MYO18B: variants seen among roughly 807,000 people sequenced by gnomAD.
The protein encoded by MYO18B is unconventional myosin-XVIIIb.
MYO18B carries 204 observed loss-of-function variants against 273.0 expected under a neutral mutation model. That is an observed-to-expected ratio of 0.75 (90% CI 0.67 to 0.84). The LOEUF (loss-of-function observed/expected upper bound fraction) is 0.84. MYO18B is among the 40% of genes least tolerant of loss of function. The probability of loss-of-function intolerance (pLI) is 0.00; values close to 1 mark genes in which losing one functional copy is unlikely to be tolerated. For synonymous variants in MYO18B, 1,330 were observed against 1,305.7 expected, an observed-to-expected ratio of 1.02 and a Z score of -0.40; for missense variants, 3,212 against 3,287.6, an observed-to-expected ratio of 0.98 and a Z score of 0.56.
At chr22:25,835,056 C>T (rs2089847171) in intron 16 of MYO18B, among the ~76,000 whole-genome samples, 1 of 152,156 alleles carries the variant, frequency 6.6e-6, no homozygotes, top group African/African-American at 2.4e-5. Context: ...TAGTAAGTTG[C>T]CCAAGGCCAC....
intron 11 of MYO18B, among the ~76,000 whole-genome samples, chr22:25,786,944 T>G (rs1207024003): frequency 6.6e-6 from 1 of 152,222 alleles, no homozygotes; most frequent in Non-Finnish European, 1.5e-5. Flanking sequence ...GCCAGTGCGG[T>G]GGCTCACGCC....
At chr22:25,984,103 T>C (rs1569263436) in intron 39 of MYO18B, among the ~76,000 whole-genome samples, 2 of 151,572 alleles carry the variant, frequency 1.3e-5, no homozygotes, top group Non-Finnish European at 2.9e-5. Flanking sequence ...GTGCTACCAA[T>C]TTAGGTAGGT....
chr22:25,929,129 T>C (rs984099098), intron 34 of MYO18B, among the ~76,000 whole-genome samples: 15 of 125,172 alleles, frequency 1.2e-4, no homozygotes, highest in African/African-American at 4.2e-4. Context: ...ACCATTACAC[T>C]CCAGCCTGGG....
intron 37 of MYO18B, among the ~76,000 whole-genome samples, 184 bp from the exon 38 acceptor site, chr22:25,952,074 AGGATCAGGGTCTGGTGTGAGGGTCCAGT>A (rs2092798508): frequency 6.6e-6 from 1 of 152,174 alleles, no homozygotes; most frequent in Admixed American, 6.5e-5. Flanking sequence ...CCTGAGACCC[AGGATCAGGGTCTGGTGTGAGGGTCCAGT>A]GAAGGTCCCA....
chr22:25,941,994 G>C (rs972257359), intron 34 of MYO18B, among the ~76,000 whole-genome samples: 1 of 152,212 alleles, frequency 6.6e-6, no homozygotes, highest in Non-Finnish European at 1.5e-5. Flanking sequence ...CCACTTCCCA[G>C]GGATGAAAGG....
chr22:25,919,740 A>G (rs2092315265), intron 33 of MYO18B, among the ~76,000 whole-genome samples: 1 of 152,038 alleles, frequency 6.6e-6, no homozygotes, highest in African/African-American at 2.4e-5. Flanking sequence ...ACCTACCAAA[A>G]CAATACATTT....
rs562596967 is a variant in MYO18B at position 25,828,813 on chromosome 22, A to G, written c.2824A>G (p.Met942Val). 12 of 1,613,816 alleles carry G rather than the reference A, an allele frequency of 7.4e-6. No homozygotes were observed. The African/African-American group carries it at 1.1e-4, about 14-fold the overall frequency. ...SSHHLSMASIMVVDSPGFQNP... is the reference protein window; with the variant it reads ...SSHHLSMASIVVVDSPGFQNP... ...CCACCATCTCTCCATGGCCTCCATC[A>G]TGGTGGTGGACTCTCCAGGCTTCCA... The change falls in exon 15 of 44, where the codon ATG becomes GTG. Residue 942 changes from methionine to valine, a missense_variant. Physicochemically the swap from Met to Val is conservative, Grantham distance 21. Transcript: ENST00000335473.
At chr22:25,865,627 T>C (rs1275302579) in intron 21 of MYO18B, among the ~76,000 whole-genome samples, 2 of 152,170 alleles carry the variant, frequency 1.3e-5, no homozygotes, top group Admixed American at 6.5e-5. Context: ...TCCCCATCTT[T>C]CTGAATGGAG....
At chr22:25,965,631 C>T (rs2092969290) in intron 39 of MYO18B, among the ~76,000 whole-genome samples, 1 of 152,118 alleles carries the variant, frequency 6.6e-6, no homozygotes, top group South Asian at 2.1e-4. Context: ...TCATTTGCAC[C>T]ATACAGGTAC....
At position 25,967,883 on chromosome 22, in the gene MYO18B, A is replaced by G. The variant is rs933141576; in HGVS notation, c.6156+12519A>G. On this transcript the variant is annotated intron_variant, in intron 39 of 43. Coordinates refer to ENST00000335473, the MANE Select transcript of MYO18B (RefSeq NM_032608.7). The stretch of plus-strand genomic sequence containing the variant: ...CCATCTCTTCCCAATTCCATGCTCC[A>G]TGACATCACATTGGTAGCTTGACAT... 3.3e-5 allele frequency among the ~76,000 whole-genome samples: 5 copies of G among 152,286 alleles called. No individual in the cohort carries two copies. The South Asian group carries it at 8.3e-4, about 25-fold the overall frequency.
In MYO18B at chr22:25,876,208, A is replaced by C; in HGVS notation, c.4100A>C (p.Gln1367Pro). Residue 1367 changes from glutamine to proline, a missense_variant, in exon 24 of 44, where the codon CAG becomes CCG. Transcript: ENST00000335473. ...KKLKIRRLAA[Q>P]CIQKNVAVFL... is the part of the protein sequence containing the mutation. ...CTGCAGATTCGCCGACTGGCTGCAC[A>C]GTGCATCCAGAAGAATGTGGCTGTG... 1.2e-6 allele frequency: 2 copies of C among 1,612,728 alleles called. No homozygotes were observed. Among genetic ancestry groups the C allele is most frequent in the Non-Finnish European group, 1.7e-6 (2 of 1,179,372 alleles).
At chr22:25,846,397 G>A in intron 19 of MYO18B, 114 bp downstream of exon 19, 1 of 1,180,056 alleles carries the variant, frequency 8.5e-7, no homozygotes, top group Non-Finnish European at 1.2e-6. Flanking sequence ...AGGCCAGAGG[G>A]GCGAGTGTCA....
rs756650089 is a variant in MYO18B at position 25,770,129 on chromosome 22, A to G, written c.1532A>G (p.Tyr511Cys). 1.1e-5 allele frequency: 17 copies of G among 1,613,806 alleles called. No homozygotes were observed. Among genetic ancestry groups the G allele is most frequent in the Admixed American group, 1.7e-5 (1 of 59,994 alleles). ...DSDQAPEDRW[Y>C]EAEKVWLAQK... ...TCTCAGGCTCCTGAGGACAGATGGTATGAGGCAGAGAAAGTCTGGCTGGCT... is the reference window on the plus strand; with the variant it reads ...TCTCAGGCTCCTGAGGACAGATGGTGTGAGGCAGAGAAAGTCTGGCTGGCT... Residue 511 changes from tyrosine to cysteine, a missense_variant, in exon 5 of 44, where the codon TAT becomes TGT. Transcript: ENST00000335473.
intron 20 of MYO18B, among the ~76,000 whole-genome samples, chr22:25,849,343 C>G (rs1175643910): frequency 6.6e-6 from 1 of 152,208 alleles, no homozygotes; most frequent in Non-Finnish European, 1.5e-5. Context: ...TTTCTGTCTC[C>G]TAGACCTGGT....
At position 25,918,878 on chromosome 22, in the gene MYO18B, T is replaced by A. The variant is rs145124289; in HGVS notation, c.5365-2379T>A. On this transcript the variant is annotated intron_variant, in intron 33 of 43. Coordinates refer to ENST00000335473, the MANE Select transcript of MYO18B (RefSeq NM_032608.7). The stretch of plus-strand genomic sequence containing the variant: ...TTTATGAAGCAGCTCCACTAGGCAC[T>A]GTGGTGCAGTAGTTACAGACTTACA... Among the ~76,000 whole-genome samples the A allele has an allele frequency of 2.0e-5, 3 of 152,340 alleles. No individual in the cohort carries two copies. In the East Asian group the frequency reaches 5.8e-4, roughly 29 times the overall value.
At chr22:25,836,854 C>T (rs183771915) in intron 17 of MYO18B, among the ~76,000 whole-genome samples, 154 of 151,930 alleles carry the variant, frequency 1.0e-3, no homozygotes, top group Middle Eastern at 3.4e-3. Context: ...CCCAGCTACT[C>T]GGGAGGCTGA....
chr22:25,766,361 A>G (rs1396664960), intron 3 of MYO18B, among the ~76,000 whole-genome samples: 1 of 152,106 alleles, frequency 6.6e-6, no homozygotes, highest in Non-Finnish European at 1.5e-5. Context: ...TAAATGATAG[A>G]TACTATTATT....
intron 21 of MYO18B, among the ~76,000 whole-genome samples, chr22:25,854,228 G>A (rs2090504560): frequency 6.6e-6 from 1 of 152,158 alleles, no homozygotes; most frequent in South Asian, 2.1e-4. Flanking sequence ...CATTTGGTGG[G>A]TACCTGATGG....
chr22:25,925,760 C>A (rs1300056243), intron 34 of MYO18B, among the ~76,000 whole-genome samples: 1 of 150,972 alleles, frequency 6.6e-6, no homozygotes, highest in African/African-American at 2.4e-5. Flanking sequence ...CAAAAATTAG[C>A]CCGGTGTGGT....
Sources: gnomAD v4.1 joint callset for allele counts (sites outside exome capture counted in the v4.1 genomes callset) on GRCh38, gnomAD v4.1.1 for gene constraint, MANE v1.5 for transcripts, NCBI Gene and HGNC (gene_info 2026-07-23, HGNC 2026-07-21) for gene names.